Variants in KCNH7 observed in about 807,000 individuals in gnomAD.
KCNH7 encodes the protein potassium voltage-gated channel subfamily H member 7, also known as voltage-gated inwardly rectifying potassium channel KCNH7.
In KCNH7, 49 loss-of-function variants were observed where a neutral mutation model predicts 120.8. That is an observed-to-expected ratio of 0.41 (90% CI 0.32 to 0.51). The LOEUF is 0.51. Ranked by LOEUF, KCNH7 falls within the 20% of genes least tolerant of loss-of-function variation. The probability of loss-of-function intolerance (pLI) is 0.38; values close to 1 mark genes in which losing one functional copy is unlikely to be tolerated. For synonymous variants in KCNH7, 547 were observed against 516.1 expected (o/e 1.06, Z -0.81); for missense variants, 1,097 against 1,446.6 (o/e 0.76, Z 3.92).
chr2:162,398,765 A>G (rs1350889395), intron 10 of KCNH7, among the ~76,000 whole-genome samples: 9 of 151,942 alleles, frequency 5.9e-5, no homozygotes, highest in Non-Finnish European at 1.3e-4. Flanking sequence ...GCAATGAAGC[A>G]TCCTCCTTCC....
intron 2 of KCNH7, among the ~76,000 whole-genome samples, chr2:162,539,147 A>T (rs1692215303): frequency 6.6e-6 from 1 of 152,118 alleles, no homozygotes; most frequent in African/African-American, 2.4e-5. Flanking sequence ...AGTAAACAGA[A>T]AATAAGCAAT....
chr2:162,576,116 C>G (rs1354048951), intron 2 of KCNH7, among the ~76,000 whole-genome samples: 1 of 152,058 alleles, frequency 6.6e-6, no homozygotes, highest in African/African-American at 2.4e-5. Context: ...AAAGCAAGAT[C>G]ATGGCTGCAT....
chr2:162,475,930 G>A (rs540604984), intron 6 of KCNH7, among the ~76,000 whole-genome samples: 5 of 152,316 alleles, frequency 3.3e-5, no homozygotes, highest in South Asian at 2.1e-4. Context: ...TCTGGTGGAC[G>A]TTTGTTAGTT....
At chr2:162,757,094 CTA>C (rs1263074774) in intron 2 of KCNH7, among the ~76,000 whole-genome samples, 1 of 151,960 alleles carries the variant, frequency 6.6e-6, no homozygotes, top group Non-Finnish European at 1.5e-5. Context: ...AATATTTTTT[CTA>C]TGTTTAATTT....
chr2:162,468,992 A>T (rs1284604880), intron 6 of KCNH7, among the ~76,000 whole-genome samples: 1 of 152,092 alleles, frequency 6.6e-6, no homozygotes, highest in Non-Finnish European at 1.5e-5. Flanking sequence ...CTAGGACTAC[A>T]GGTGCATACC....
chr2:162,706,595 A>G (rs1258890367), intron 2 of KCNH7, among the ~76,000 whole-genome samples: 3 of 152,072 alleles, frequency 2.0e-5, no homozygotes, highest in Non-Finnish European at 4.4e-5. Context: ...ACCATTTGAC[A>G]TAATCAAAGA....
chr2:162,806,980 C>A, intron 2 of KCNH7, among the ~76,000 whole-genome samples: 1 of 150,814 alleles, frequency 6.6e-6, no homozygotes. Context: ...TAAGGAAATC[C>A]AACAATAGAA....
intron 2 of KCNH7, chr2:162,771,980 C>T (rs1318271375): frequency 6.6e-6 from 1 of 152,104 alleles, no homozygotes; most frequent in African/African-American, 2.4e-5. Context: ...ATTGAAGTCA[C>T]CAGCTTAACA....
At chr2:162,609,821 G>A (rs1311300385) in intron 2 of KCNH7, among the ~76,000 whole-genome samples, 2 of 152,150 alleles carry the variant, frequency 1.3e-5, no homozygotes, top group African/African-American at 4.8e-5. Context: ...TGGAGGGGCA[G>A]GAAAAGGGTC....
At chr2:162,486,642 T>C (rs1318309298) in intron 6 of KCNH7, among the ~76,000 whole-genome samples, 1 of 152,176 alleles carries the variant, frequency 6.6e-6, no homozygotes, top group East Asian at 1.9e-4. Flanking sequence ...CCCATGTCTA[T>C]CTCAAGCTTT....
At chr2:162,391,186 A>C (rs1486711064) in intron 12 of KCNH7, among the ~76,000 whole-genome samples, 2 of 152,052 alleles carry the variant, frequency 1.3e-5, no homozygotes, top group Non-Finnish European at 2.9e-5. Context: ...TGAGCAATGA[A>C]CTAACACTAC....
chr2:162,822,593 A>G (rs1002860098), intron 2 of KCNH7, among the ~76,000 whole-genome samples: 1 of 152,200 alleles, frequency 6.6e-6, no homozygotes, highest in African/African-American at 2.4e-5. Context: ...CACTTTATCA[A>G]AGAAGTAACT....
At chr2:162,491,494 C>A (rs1033042948) in intron 6 of KCNH7, among the ~76,000 whole-genome samples, 3 of 152,110 alleles carry the variant, frequency 2.0e-5, no homozygotes, top group African/African-American at 4.8e-5. Flanking sequence ...GACAATTAGG[C>A]CCCCTCCCAT....
At chr2:162,532,454 G>A (rs1691957267) in intron 3 of KCNH7, among the ~76,000 whole-genome samples, 2 of 151,856 alleles carry the variant, frequency 1.3e-5, no homozygotes, top group African/African-American at 4.8e-5. Context: ...AGTCAAGCAG[G>A]TTGACGTCAG....
chr2:162,432,314 G>A (rs1688095829), intron 8 of KCNH7, among the ~76,000 whole-genome samples: 1 of 151,902 alleles, frequency 6.6e-6, no homozygotes, highest in Admixed American at 6.6e-5. Context: ...TTCTGTGTTT[G>A]CAGCCTAGAC....
intron 8 of KCNH7, among the ~76,000 whole-genome samples, chr2:162,427,911 C>T (rs1342835307): frequency 1.3e-5 from 2 of 151,868 alleles, no homozygotes; most frequent in East Asian, 3.9e-4. Flanking sequence ...TATGTTCTCT[C>T]TTTTAGTCTA....
At chr2:162,667,885 A>T (rs974218367) in intron 2 of KCNH7, among the ~76,000 whole-genome samples, 1 of 152,222 alleles carries the variant, frequency 6.6e-6, no homozygotes, top group Non-Finnish European at 1.5e-5. Context: ...GTCACATGAT[A>T]TGTTAAATGC....
intron 2 of KCNH7, among the ~76,000 whole-genome samples, chr2:162,617,280 C>A (rs1335642592): frequency 2.0e-5 from 3 of 151,928 alleles, no homozygotes; most frequent in African/African-American, 7.3e-5. Context: ...GAGATCGAGA[C>A]CATCCTGACT....
intron 2 of KCNH7, among the ~76,000 whole-genome samples, chr2:162,577,377 CTATCTATCT>C (rs1693719984): frequency 6.6e-6 from 1 of 150,730 alleles, no homozygotes; most frequent in African/African-American, 2.4e-5. Flanking sequence ...ATCTATCTAT[CTATCTATCT>C]ATCTATCTAT....
Sources: gnomAD v4.1 joint callset for allele counts (sites outside exome capture counted in the v4.1 genomes callset) on GRCh38, gnomAD v4.1.1 for gene constraint, MANE v1.5 for transcripts, NCBI Gene and HGNC (gene_info 2026-07-23, HGNC 2026-07-21) for gene names.